DPP10: variants seen among roughly 807,000 people sequenced by gnomAD.
DPP10 encodes dipeptidyl peptidase like 10.
In DPP10, 33 loss-of-function variants were observed where a neutral mutation model predicts 120.9. That is an observed-to-expected ratio of 0.27 (90% CI 0.21 to 0.37). DPP10 has a LOEUF of 0.37. DPP10 is among the 10% of genes least tolerant of loss of function. DPP10 has a pLI of 1.00. For synonymous variants in DPP10, 337 were observed against 326.1 expected, an observed-to-expected ratio of 1.03 and a Z score of -0.36; for missense variants, 816 against 942.8, an observed-to-expected ratio of 0.87 and a Z score of 1.76.
In DPP10 at chr2:114,644,234, G is replaced by A. The variant is rs373740770; in HGVS notation, c.60+201396G>A. 1.8e-4 allele frequency among the ~76,000 whole-genome samples: 27 copies of A among 150,976 alleles called. No homozygotes were observed. The South Asian group carries it at 3.8e-3, about 21-fold the overall frequency. Reference sequence around the variant, plus strand: ...TGGGATTACAGGTGTGAGCCAGCGCGCCTGGCTTGATTAATATATTTTATT... The same window carrying A: ...TGGGATTACAGGTGTGAGCCAGCGCACCTGGCTTGATTAATATATTTTATT... On this transcript the variant is annotated intron_variant, in intron 1 of 25. Transcript: ENST00000410059.
chr2:115,062,102 T>C (rs1482896997), intron 1 of DPP10, among the ~76,000 whole-genome samples: 1 of 151,014 alleles, frequency 6.6e-6, no homozygotes, highest in Non-Finnish European at 1.5e-5. Context: ...TTGGAAAAAC[T>C]GTATTGTTGT....
Position 115,272,187 on chromosome 2 carries a change from C to A in DPP10, c.61-37052C>A, listed in dbSNP as rs150136076. Among the ~76,000 whole-genome samples the A allele has an allele frequency of 8.0e-3, 1,219 of 152,196 alleles. 17 individuals are homozygous for A. Among genetic ancestry groups the A allele is most frequent in the African/African-American group, 0.027 (1,118 of 41,534 alleles). On this transcript the variant is annotated intron_variant, in intron 1 of 25. Transcript: ENST00000410059. ...AACTTTATTATATTGTGAGTGTTTTCTTTGAAACTGATCAACCTCAGCATT... is the reference window on the plus strand; with the variant it reads ...AACTTTATTATATTGTGAGTGTTTTATTTGAAACTGATCAACCTCAGCATT...
intron 1 of DPP10, among the ~76,000 whole-genome samples, chr2:115,102,818 C>T (rs1195678336): frequency 1.3e-5 from 2 of 152,014 alleles, no homozygotes; most frequent in Non-Finnish European, 2.9e-5. Flanking sequence ...CACATCCTGT[C>T]CTCTCCATCT....
chr2:115,016,496 T>C (rs1702647561), intron 1 of DPP10, among the ~76,000 whole-genome samples: 1 of 151,878 alleles, frequency 6.6e-6, no homozygotes, highest in Admixed American at 6.6e-5. Context: ...AAGCCAAAAT[T>C]GACAAATGGG....
chr2:115,342,307 A>T (rs1373470104), intron 2 of DPP10: 3 of 289,002 alleles, frequency 1.0e-5, no homozygotes, highest in Non-Finnish European at 2.1e-5. Context: ...CCTGTGTTCA[A>T]GCAGTTCTCC....
intron 1 of DPP10, among the ~76,000 whole-genome samples, chr2:114,504,650 C>T (rs111789051): frequency 6.6e-6 from 1 of 152,164 alleles, no homozygotes; most frequent in Non-Finnish European, 1.5e-5. Context: ...ATAGGCCAGC[C>T]ACTATTCTCA....
chr2:114,965,145 T>G (rs969589585), intron 1 of DPP10, among the ~76,000 whole-genome samples: 2 of 152,036 alleles, frequency 1.3e-5, no homozygotes, highest in Admixed American at 1.3e-4. Context: ...CTTTCTTTCT[T>G]TCTTTTTTTT....
intron 5 of DPP10, among the ~76,000 whole-genome samples, chr2:115,558,915 AT>A (rs1190440535): frequency 6.6e-6 from 1 of 152,144 alleles, no homozygotes; most frequent in African/African-American, 2.4e-5. Context: ...CACTGGGGGA[AT>A]TGTATTTGTG....
At chr2:115,386,917 CTG>C (rs1553575574) in intron 3 of DPP10, among the ~76,000 whole-genome samples, 3 of 149,934 alleles carry the variant, frequency 2.0e-5, no homozygotes, top group Admixed American at 6.6e-5. Context: ...AAAAAAAAAA[CTG>C]TAAGAATATT....
chr2:115,592,335 A>C (rs2082711371), intron 5 of DPP10, among the ~76,000 whole-genome samples: 1 of 152,134 alleles, frequency 6.6e-6, no homozygotes, highest in Non-Finnish European at 1.5e-5. Context: ...TTGTTAGGTA[A>C]ATGAAGCTTC....
Position 115,535,306 on chromosome 2 carries a change from G to A in DPP10, c.441+9334G>A, listed in dbSNP as rs1348298463. 3.4e-5 allele frequency among the ~76,000 whole-genome samples: 5 copies of A among 148,272 alleles called. No individual in the cohort carries two copies. The East Asian group carries it at 8.0e-4, about 24-fold the overall frequency. On this transcript the variant is annotated intron_variant, in intron 5 of 25. Coordinates refer to ENST00000410059, the MANE Select transcript of DPP10 (RefSeq NM_020868.6). ...ATTTTTTTATAAGGTGTAAGGAAGG[G>A]ATCCAGTTTCAGCTTTCTACATATG...
rs758079015 is a variant in DPP10 at position 114,679,225 on chromosome 2, A to G, written c.60+236387A>G. ...TTTTGTGGGGTAGAGAGTGAAATAC[A>G]GAGAGGTGGTGCTGAGCTCTGTTGT... On this transcript the variant is annotated intron_variant, in intron 1 of 25. Coordinates refer to ENST00000410059, the MANE Select transcript of DPP10 (RefSeq NM_020868.6). Among the ~76,000 whole-genome samples the G allele has an allele frequency of 1.0e-3, 156 of 152,052 alleles. 2 individuals are homozygous for G. Among genetic ancestry groups the G allele is most frequent in the Admixed American group, 4.6e-4 (7 of 15,236 alleles).
intron 1 of DPP10, among the ~76,000 whole-genome samples, chr2:115,172,626 C>T (rs1005309949): frequency 5.3e-5 from 8 of 152,204 alleles, no homozygotes; most frequent in Non-Finnish European, 1.0e-4. Flanking sequence ...TACCCAGCCT[C>T]TCTGTATCTG....
intron 5 of DPP10, among the ~76,000 whole-genome samples, chr2:115,597,310 C>T (rs981929139): frequency 3.3e-5 from 5 of 152,158 alleles, no homozygotes; most frequent in Admixed American, 6.6e-5. Context: ...TTTCTCATGT[C>T]CTTCAAAGCC....
At chr2:114,448,818 A>G (rs1678095755) in intron 1 of DPP10, among the ~76,000 whole-genome samples, 1 of 152,170 alleles carries the variant, frequency 6.6e-6, no homozygotes, top group Admixed American at 6.5e-5. Flanking sequence ...TATTCCTCAC[A>G]GGGATTACTT....
At chr2:115,403,858 T>TA (rs1254627749) in intron 3 of DPP10, among the ~76,000 whole-genome samples, 1 of 152,120 alleles carries the variant, frequency 6.6e-6, no homozygotes, top group African/African-American at 2.4e-5. Context: ...AAAGACATCA[T>TA]AAAAAAACTA....
rs556867583 is a variant in DPP10, at chr2:114,945,944, C to T, written c.61-363295C>T. ...TCATATTGATAACATGTACTCTAAG[C>T]CAAGTCCAAACATGAGAAAATATCA... On this transcript the variant is annotated intron_variant, in intron 1 of 25. Transcript: ENST00000410059. 4.6e-5 allele frequency among the ~76,000 whole-genome samples: 7 copies of T among 152,276 alleles called. No homozygotes were observed. The South Asian group carries it at 1.4e-3, about 32-fold the overall frequency.
chr2:115,480,960 C>T (rs2075391276), intron 3 of DPP10, among the ~76,000 whole-genome samples: 2 of 152,060 alleles, frequency 1.3e-5, no homozygotes, highest in African/African-American at 4.8e-5. Context: ...GAGCAAGCTG[C>T]CATCTGTGCA....
chr2:114,822,962 T>A (rs1324848960), intron 1 of DPP10, among the ~76,000 whole-genome samples: 1 of 152,206 alleles, frequency 6.6e-6, no homozygotes, highest in Non-Finnish European at 1.5e-5. Flanking sequence ...AAGTTTCAAA[T>A]TTTCTCACAT....
Sources: gnomAD v4.1 joint callset for allele counts (sites outside exome capture counted in the v4.1 genomes callset) on GRCh38, gnomAD v4.1.1 for gene constraint, MANE v1.5 for transcripts, NCBI Gene and HGNC (gene_info 2026-07-23, HGNC 2026-07-21) for gene names.